Variants in GRAMD1B observed in about 807,000 individuals in gnomAD.
The protein encoded by GRAMD1B is protein Aster-B.
A neutral mutation model predicts 99.7 loss-of-function variants in GRAMD1B; 37 were observed. That is an observed-to-expected ratio of 0.37 (90% confidence interval 0.29 to 0.49). The LOEUF is 0.49. GRAMD1B is among the 20% of genes least tolerant of loss of function. GRAMD1B has a pLI of 0.98. For synonymous variants in GRAMD1B, 427 were observed against 387.6 expected, an observed-to-expected ratio of 1.10 and a Z score of -1.19; for missense variants, 888 against 1,009.2, an observed-to-expected ratio of 0.88 and a Z score of 1.63.
chr11:123,378,881 A>G (rs1946778690), intron 1 of GRAMD1B, among the ~76,000 whole-genome samples: 1 of 152,218 alleles, frequency 6.6e-6, no homozygotes, highest in Non-Finnish European at 1.5e-5. Context: ...CAAGAGCAAT[A>G]GGATTTAACA....
intron 2 of GRAMD1B, among the ~76,000 whole-genome samples, chr11:123,540,531 T>C (rs1425950259): frequency 6.6e-6 from 1 of 152,240 alleles, no homozygotes; most frequent in Non-Finnish European, 1.5e-5. Flanking sequence ...ATATGTCTTC[T>C]CTTTAGTAAA....
chr11:123,426,596 T>G (rs986499908), upstream of GRAMD1B, among the ~76,000 whole-genome samples: 14 of 151,824 alleles, frequency 9.2e-5, no homozygotes, highest in African/African-American at 3.4e-4. Context: ...CCGTTGGGAT[T>G]GGCCGTTCGA....
chr11:123,474,196 A>C (rs1424534187), intron 1 of GRAMD1B, among the ~76,000 whole-genome samples: 1 of 152,144 alleles, frequency 6.6e-6, no homozygotes, highest in African/African-American at 2.4e-5. Context: ...TGCCCTAAAC[A>C]TGTTCTACAG....
intron 1 of GRAMD1B, among the ~76,000 whole-genome samples, chr11:123,373,536 C>G (rs551989819): frequency 6.6e-6 from 1 of 152,076 alleles, no homozygotes; most frequent in African/African-American, 2.4e-5. Flanking sequence ...AAACAGGGAC[C>G]AAGGAAATGT....
intron 2 of GRAMD1B, among the ~76,000 whole-genome samples, chr11:123,495,957 T>C (rs1939204788): frequency 2.6e-5 from 4 of 152,246 alleles, no homozygotes; most frequent in Admixed American, 6.5e-5. Flanking sequence ...GATTGGTTCA[T>C]CATTTAGTCT....
intron 1 of GRAMD1B, among the ~76,000 whole-genome samples, chr11:123,475,960 C>T (rs568377376): frequency 3.0e-4 from 46 of 151,484 alleles, no homozygotes; most frequent in African/African-American, 1.1e-3. Context: ...TGGCCTATAT[C>T]ATTGAAAAAG....
At chr11:123,554,174 C>G (rs977926397) in intron 2 of GRAMD1B, among the ~76,000 whole-genome samples, 1 of 152,130 alleles carries the variant, frequency 6.6e-6, no homozygotes, top group Non-Finnish European at 1.5e-5. Flanking sequence ...AAAGTAGGGT[C>G]AGTGGATAAA....
intron 14 of GRAMD1B, among the ~76,000 whole-genome samples, chr11:123,612,484 G>A (rs1189451535): frequency 6.6e-6 from 1 of 152,180 alleles, no homozygotes; most frequent in Non-Finnish European, 1.5e-5. Flanking sequence ...AGAGGAGGCA[G>A]TGTGCCATCA....
chr11:123,578,810 CT>C (rs1949023990), intron 3 of GRAMD1B, among the ~76,000 whole-genome samples: 1 of 152,196 alleles, frequency 6.6e-6, no homozygotes, highest in East Asian at 1.9e-4. Context: ...CTCCAGGCCC[CT>C]CCCCTTTGGT....
intron 17 of GRAMD1B, 35 bp downstream of exon 17, chr11:123,614,870 C>G (rs1205606171): frequency 8.0e-7 from 1 of 1,247,008 alleles, no homozygotes; most frequent in Non-Finnish European, 1.2e-6. Flanking sequence ...CCTGCCCTCA[C>G]CACCTTCCCT....
chr11:123,397,110 A>C (rs1034137314), intron 1 of GRAMD1B, among the ~76,000 whole-genome samples: 1 of 152,162 alleles, frequency 6.6e-6, no homozygotes, highest in Non-Finnish European at 1.5e-5. Flanking sequence ...CGTTCAATTA[A>C]AAAACAAAAC....
chr11:123,362,874 G>A (rs918943308), intron 1 of GRAMD1B, among the ~76,000 whole-genome samples: 21 of 152,146 alleles, frequency 1.4e-4, no homozygotes, highest in Non-Finnish European at 2.6e-4. Context: ...CAGCCCTGGT[G>A]AGGGTGCTGG....
At chr11:123,411,129 C>T (rs1438221910) in intron 1 of GRAMD1B, among the ~76,000 whole-genome samples, 8 of 151,924 alleles carry the variant, frequency 5.3e-5, no homozygotes, top group Non-Finnish European at 8.8e-5. Flanking sequence ...CTCAGCCTCC[C>T]GAGTAGCTGG....
intron 1 of GRAMD1B, among the ~76,000 whole-genome samples, chr11:123,368,150 A>C (rs917009091): frequency 6.6e-6 from 1 of 151,580 alleles, no homozygotes; most frequent in Non-Finnish European, 1.5e-5. Flanking sequence ...GCTGCTTGGG[A>C]AGCTGAGGCA....
At chr11:123,445,855 A>G (rs1431492263) in intron 1 of GRAMD1B, among the ~76,000 whole-genome samples, 1 of 151,832 alleles carries the variant, frequency 6.6e-6, no homozygotes, top group Non-Finnish European at 1.5e-5. Flanking sequence ...AAACAAACAA[A>G]AACAACCCCA....
intron 1 of GRAMD1B, among the ~76,000 whole-genome samples, chr11:123,381,936 G>C (rs1037134554): frequency 1.3e-5 from 2 of 152,130 alleles, no homozygotes; most frequent in African/African-American, 4.8e-5. Context: ...AGCACCTACT[G>C]CTCTGTTTAC....
chr11:123,554,681 G>C (rs1185840464), intron 2 of GRAMD1B, among the ~76,000 whole-genome samples: 1 of 152,308 alleles, frequency 6.6e-6, no homozygotes, highest in African/African-American at 2.4e-5. Context: ...CTGCACTCCA[G>C]CCAGGGCAAC....
intron 2 of GRAMD1B, among the ~76,000 whole-genome samples, chr11:123,572,957 G>A (rs370280709): frequency 2.0e-5 from 3 of 150,018 alleles, no homozygotes; most frequent in Admixed American, 6.6e-5. Flanking sequence ...GGGCAGGGGC[G>A]CAGGTAGACC....
At chr11:123,489,201 T>G (rs1269864638) in intron 2 of GRAMD1B, among the ~76,000 whole-genome samples, 1 of 152,156 alleles carries the variant, frequency 6.6e-6, no homozygotes, top group Non-Finnish European at 1.5e-5. Flanking sequence ...CCTATTAGTA[T>G]TATTATCATT....
Sources: allele counts gnomAD v4.1 joint callset (sites outside exome capture counted in the v4.1 genomes callset), GRCh38; gene constraint gnomAD v4.1.1; transcripts MANE v1.5; gene names NCBI Gene and HGNC (gene_info 2026-07-23, HGNC 2026-07-21).